DTD1: variants seen among roughly 807,000 people sequenced by gnomAD.
DTD1 encodes the protein D-aminoacyl-tRNA deacylase 1.
A neutral mutation model predicts 25.6 loss-of-function variants in DTD1; 13 were observed. The observed-to-expected ratio is 0.51, with a 90% CI of 0.33 to 0.81. The LOEUF is 0.81. DTD1 is among the 30% of genes least tolerant of loss of function. DTD1 has a pLI of 0.02. For missense variants in DTD1, 193 were observed against 266.4 expected (o/e 0.72, Z 1.92); for synonymous variants, 110 against 103.6 (o/e 1.06, Z -0.37).
chr20:18,651,710 T>G (rs56119377), intron 4 of DTD1, among the ~76,000 whole-genome samples: 176 of 152,310 alleles, frequency 1.2e-3, no homozygotes, highest in Middle Eastern at 3.4e-3. Context: ...GGTCTGAGCA[T>G]CAAGACTTTT....
chr20:18,688,135 A>G (rs545161580), intron 4 of DTD1, among the ~76,000 whole-genome samples: 52 of 152,310 alleles, frequency 3.4e-4, no homozygotes, highest in Non-Finnish European at 6.5e-4. Context: ...AAGTTATGTC[A>G]GTATAAGAAC....
intron 4 of DTD1, among the ~76,000 whole-genome samples, chr20:18,685,547 C>A (rs535420853): frequency 7.7e-4 from 117 of 152,296 alleles, no homozygotes; most frequent in African/African-American, 2.6e-3. Flanking sequence ...CTGCGCCTCG[C>A]TCCAGCTTCA....
chr20:18,644,864 G>A (rs987601065), intron 4 of DTD1, among the ~76,000 whole-genome samples: 15 of 152,112 alleles, frequency 9.9e-5, no homozygotes, highest in African/African-American at 3.6e-4. Context: ...TGGCGTATGG[G>A]GCCAGGCGCA....
chr20:18,679,522 A>G (rs1263719750), intron 4 of DTD1, among the ~76,000 whole-genome samples: 2 of 152,226 alleles, frequency 1.3e-5, no homozygotes, highest in Non-Finnish European at 2.9e-5. Flanking sequence ...TATGATTTAT[A>G]TGTAACACTG....
Position 18,659,412 on chromosome 20 carries a change from C to T in DTD1, c.477+31179C>T, listed in dbSNP as rs16979454. Among the ~76,000 whole-genome samples, 369 of 152,266 alleles carry T rather than the reference C, an allele frequency of 2.4e-3. 7 individuals are homozygous for T. The highest frequency in any genetic ancestry group is 0.02 in the Admixed American group (302 of 15,294). ...ATGAACAGCTACAAGTACATGTGCC[C>T]TTTCCATTATATTCATGATGTTTAA... On this transcript the variant is annotated intron_variant, in intron 4 of 5. Transcript: ENST00000377452.
rs1028983063 is a variant in DTD1 at position 18,765,593 on chromosome 20, C to G, written c.*2253C>G. ...AAGAGGGTCAGATCTAACCACAGGG[C>G]CAGATTATAGAGAAAAATGAAAGCT... On this transcript the variant is annotated 3_prime_UTR_variant, in exon 6 of 6. Coordinates refer to ENST00000377452, the MANE Select transcript of DTD1 (RefSeq NM_080820.6). The G allele has an allele frequency of 6.6e-6, 1 of 152,042 alleles. No individual in the cohort carries two copies. The highest frequency in any genetic ancestry group is 2.4e-5 in the African/African-American group (1 of 41,398). 9.4% of individuals were successfully genotyped at this position (152,042 alleles called of 1,614,324 possible).
At chr20:18,722,511 AGTTGATGCCTG>A (rs1183066937) in intron 4 of DTD1, among the ~76,000 whole-genome samples, 1 of 152,222 alleles carries the variant, frequency 6.6e-6, no homozygotes, top group Non-Finnish European at 1.5e-5. Flanking sequence ...GCTTTTCTTG[AGTTGATGCCTG>A]GTTGATGGAG....
intron 4 of DTD1, among the ~76,000 whole-genome samples, chr20:18,723,461 T>A (rs970057161): frequency 6.6e-6 from 1 of 152,226 alleles, no homozygotes; most frequent in African/African-American, 2.4e-5. Flanking sequence ...TCCAAGGCAT[T>A]TACAAAAGCA....
chr20:18,613,471 G>T (rs554852647), intron 3 of DTD1, among the ~76,000 whole-genome samples: 5 of 152,272 alleles, frequency 3.3e-5, no homozygotes, highest in African/African-American at 4.8e-5. Context: ...GTAGGCACTT[G>T]TTTTTTATTT....
At chr20:18,607,872 C>A (rs2060667636) in intron 3 of DTD1, among the ~76,000 whole-genome samples, 1 of 152,088 alleles carries the variant, frequency 6.6e-6, no homozygotes, top group East Asian at 1.9e-4. Context: ...TGCCACCATG[C>A]CCAGCTAATT....
At chr20:18,744,560 C>G (rs2061292291) in intron 5 of DTD1, among the ~76,000 whole-genome samples, 1 of 145,280 alleles carries the variant, frequency 6.9e-6, no homozygotes, top group Non-Finnish European at 1.5e-5. Context: ...AGGCAAAAGG[C>G]ATTTCTTACA....
intron 4 of DTD1, among the ~76,000 whole-genome samples, chr20:18,671,298 C>T (rs373266537): frequency 6.6e-6 from 1 of 152,138 alleles, no homozygotes; most frequent in Non-Finnish European, 1.5e-5. Flanking sequence ...ATGTTTAAAA[C>T]ATTGTAGTTG....
intron 4 of DTD1, among the ~76,000 whole-genome samples, chr20:18,667,393 A>G (rs1051483429): frequency 1.3e-5 from 2 of 152,190 alleles, no homozygotes; most frequent in Non-Finnish European, 2.9e-5. Context: ...ACTGTTGTCT[A>G]AGCGGCCCTG....
chr20:18,729,273 G>A (rs2061232589), intron 4 of DTD1, among the ~76,000 whole-genome samples: 1 of 152,200 alleles, frequency 6.6e-6, no homozygotes, highest in South Asian at 2.1e-4. Flanking sequence ...GGCTTTTATA[G>A]ATACATTTTC....
chr20:18,722,293 A>C (rs1478527809), intron 4 of DTD1, among the ~76,000 whole-genome samples: 1 of 152,246 alleles, frequency 6.6e-6, no homozygotes, highest in Non-Finnish European at 1.5e-5. Flanking sequence ...CCAGGCACTC[A>C]GCATTGTGCA....
At position 18,641,904 on chromosome 20, in the gene DTD1, G is replaced by C. The variant is rs137988941; in HGVS notation, c.477+13671G>C. Among the ~76,000 whole-genome samples the C allele has an allele frequency of 5.0e-3, 759 of 152,244 alleles. 7 individuals are homozygous for C. The highest frequency in any genetic ancestry group is 0.018 in the African/African-American group (737 of 41,542). ...TCGTCTGTTTTTGCTTTTGTTGCCT[G>C]TGCTTTTGATATTATATCCAAGAAA... On this transcript the variant is annotated intron_variant, in intron 4 of 5. Coordinates refer to ENST00000377452, the MANE Select transcript of DTD1 (RefSeq NM_080820.6).
chr20:18,612,481 G>A (rs1167993453), intron 3 of DTD1, among the ~76,000 whole-genome samples: 1 of 152,054 alleles, frequency 6.6e-6, no homozygotes, highest in African/African-American at 2.4e-5. Context: ...GTGAGTATGA[G>A]GATTACTGCC....
chr20:18,670,807 C>T (rs911086795), intron 4 of DTD1, among the ~76,000 whole-genome samples: 2 of 152,230 alleles, frequency 1.3e-5, no homozygotes, highest in Non-Finnish European at 2.9e-5. Context: ...TCAGAGGTTT[C>T]TGTACATCCA....
At chr20:18,756,986 A>G (rs1172357596) in intron 5 of DTD1, among the ~76,000 whole-genome samples, 1 of 148,554 alleles carries the variant, frequency 6.7e-6, no homozygotes, top group East Asian at 2.0e-4. Flanking sequence ...GGTCCTTCAC[A>G]TCCCTTGTAA....
Sources: allele counts gnomAD v4.1 joint callset (sites outside exome capture counted in the v4.1 genomes callset), GRCh38; gene constraint gnomAD v4.1.1; transcripts MANE v1.5; gene names NCBI Gene and HGNC (gene_info 2026-07-23, HGNC 2026-07-21).